The following IFT122 variants were observed in gnomAD, a reference collection of about 807,000 sequenced individuals.
IFT122 encodes intraflagellar transport 122.
Under a neutral mutation model 161.6 loss-of-function variants are expected in IFT122, and 118 were observed. The observed-to-expected ratio is 0.73, with a 90% CI of 0.63 to 0.85. The LOEUF is 0.85. Ranked by LOEUF, IFT122 falls within the 40% of genes least tolerant of loss-of-function variation. The pLI is 0.00. For synonymous variants in IFT122, 550 were observed against 602.4 expected, an observed-to-expected ratio of 0.91 and a Z score of 1.27; for missense variants, 1,381 against 1,579.6, an observed-to-expected ratio of 0.87 and a Z score of 2.13.
chr3:129,481,697 G>T lies in IFT122; in HGVS notation c.1653+3G>T. The T allele has an allele frequency of 6.2e-7, 1 of 1,613,944 alleles. No individual in the cohort carries two copies. Among genetic ancestry groups the T allele is most frequent in the Non-Finnish European group, 8.5e-7 (1 of 1,179,872 alleles). Reference sequence around the variant, plus strand: ...ACACCAAGGAGCTGCTTTTTCAGGTGAAGTCCCTGAGGGGGCCCAGGGACA... The same window carrying T: ...ACACCAAGGAGCTGCTTTTTCAGGTTAAGTCCCTGAGGGGGCCCAGGGACA... On this transcript the variant is annotated splice_donor_region_variant and intron_variant, in intron 14 of 29. Transcript: ENST00000348417.
intron 15 of IFT122, among the ~76,000 whole-genome samples, chr3:129,485,493 G>A (rs1355904453): frequency 6.6e-6 from 1 of 152,216 alleles, no homozygotes; most frequent in Non-Finnish European, 1.5e-5. Context: ...GGAATGAGGT[G>A]GGTGGAAGTG....
At chr3:129,456,370 G>C (rs1332802802) in intron 3 of IFT122, 1 of 923,922 alleles carries the variant, frequency 1.1e-6, no homozygotes, top group Non-Finnish European at 1.4e-6. Flanking sequence ...CGGGTGTGGT[G>C]GCTCATGCTT....
Position 129,497,319 on chromosome 3 carries a change from C to T in IFT122, c.2208+1712C>T, listed in dbSNP as rs1308448611. Reference sequence around the variant, plus strand: ...TGGTGCCCCAGAGCTGGTGTGAGTGCAGTTTCTTTCTGTGGGATGACCTGG... The same window carrying T: ...TGGTGCCCCAGAGCTGGTGTGAGTGTAGTTTCTTTCTGTGGGATGACCTGG... On this transcript the variant is annotated intron_variant, in intron 18 of 29. Coordinates refer to ENST00000348417, the MANE Select transcript of IFT122 (RefSeq NM_052989.3). 3.9e-5 allele frequency among the ~76,000 whole-genome samples: 6 copies of T among 152,282 alleles called. No homozygotes were observed. The East Asian group carries it at 1.2e-3, about 29-fold the overall frequency.
intron 16 of IFT122, among the ~76,000 whole-genome samples, chr3:129,491,762 C>T (rs1306132723): frequency 1.3e-5 from 2 of 152,152 alleles, no homozygotes. Flanking sequence ...CTCATCAGTC[C>T]ATGCATCTCA....
At chr3:129,506,649 T>C (rs973348126) in intron 22 of IFT122, 100 bp downstream of exon 22, 3 of 1,515,208 alleles carry the variant, frequency 2.0e-6, no homozygotes, top group Non-Finnish European at 2.7e-6. Context: ...GCCCTGGGCT[T>C]GTTTATTGGG....
chr3:129,476,904 G>C, intron 11 of IFT122, 103 bp downstream of exon 11: 1 of 1,448,620 alleles, frequency 6.9e-7, no homozygotes, highest in Non-Finnish European at 9.6e-7. Context: ...TCTCTTTGGC[G>C]TTTTGCAAAC....
At chr3:129,507,822 C>A in intron 23 of IFT122, 60 bp downstream of exon 23, 2 of 1,274,658 alleles carry the variant, frequency 1.6e-6, no homozygotes, top group Non-Finnish European at 2.3e-6. Context: ...GGGTCCCGGG[C>A]ATATCTAAAG....
intron 4 of IFT122, chr3:129,459,564 T>C (rs2075948114): frequency 5.5e-6 from 1 of 181,158 alleles, no homozygotes; most frequent in Non-Finnish European, 1.2e-5. Context: ...CCTGATACAA[T>C]GCCTAGCCCA....
chr3:129,519,620 C>T lies in IFT122; in HGVS notation c.3524C>T (p.Ser1175Phe). Residue 1175 changes from serine to phenylalanine, a missense_variant, in exon 29 of 30, where the codon TCC becomes TTC. By Grantham distance (155) the Ser-to-Phe change is radical (BLOSUM62 -2). Around this residue, in one of 7 missense-constraint regions of IFT122, gnomAD observed 177 missense variants for 199.2 expected, o/e 0.89. Transcript: ENST00000348417. ...GTGGTGAGCCGGCTGGTGCTGCGCT[C>T]CATGAGCCGCCGGGATGTCCTCATC... The part of the protein sequence containing the change: ...PVVVSRLVLR[S>F]MSRRDVLIKR... 1 of 1,613,626 alleles carries T rather than the reference C, an allele frequency of 6.2e-7. No individual in the cohort carries two copies. The highest frequency in any genetic ancestry group is 2.2e-5 in the East Asian group (1 of 44,878).
chr3:129,518,774 C>T (rs527864738), intron 27 of IFT122, among the ~76,000 whole-genome samples: 73 of 152,320 alleles, frequency 4.8e-4, no homozygotes, highest in Non-Finnish European at 8.1e-4. Flanking sequence ...TCACAAGTGC[C>T]CGCAGACCCC....
At position 129,499,994 on chromosome 3, in the gene IFT122, C is replaced by T. The variant is rs540474261; in HGVS notation, c.2301C>T (p.Ala767=). 1.5e-5 allele frequency: 25 copies of T among 1,614,182 alleles called. No individual in the cohort carries two copies. Among genetic ancestry groups the T allele is most frequent in the Admixed American group, 1.5e-4 (9 of 60,024 alleles). The part of the protein sequence containing the change: ...WARNIKEPKA[A]VEMYISAGEH... Reference sequence around the variant, plus strand: ...GAAATATCAAGGAGCCCAAAGCCGCCGTGGAGATGTACATCTCAGCAGGAG... The same window carrying T: ...GAAATATCAAGGAGCCCAAAGCCGCTGTGGAGATGTACATCTCAGCAGGAG... The change falls in exon 19 of 30, where the codon GCC becomes GCT. Residue 767 remains alanine (A), a synonymous_variant. Coordinates refer to ENST00000348417, the MANE Select transcript of IFT122 (RefSeq NM_052989.3).
At chr3:129,465,156 T>TGTGTGTG (rs2076604709) in intron 7 of IFT122, among the ~76,000 whole-genome samples, 1 of 130,722 alleles carries the variant, frequency 7.6e-6, no homozygotes, top group Non-Finnish European at 1.6e-5. Context: ...TGTGTGTGTG[T>TGTGTGTG]GTGTGGTGTG....
Position 129,461,261 on chromosome 3 carries a change from T to A in IFT122, c.306T>A (p.Asn102Lys). ...ATGCTATACAATGTGTCTCCTACAATCCTATTACTCATCAACTGGCATCTT... is the reference window on the plus strand; with the variant it reads ...ATGCTATACAATGTGTCTCCTACAAACCTATTACTCATCAACTGGCATCTT... ...HNDAIQCVSY[N>K]PITHQLASCS... The change falls in exon 5 of 30, where the codon AAT (asparagine) becomes AAA (lysine). Residue 102 changes from asparagine (N) to lysine (K), a missense_variant. By Grantham distance (94) the Asn-to-Lys change is moderately conservative. This residue lies in a region of IFT122 where 134 missense variants were observed against 137.4 expected (regional missense o/e 0.98). Coordinates refer to ENST00000348417, the MANE Select transcript of IFT122 (RefSeq NM_052989.3). 1.2e-6 allele frequency: 2 copies of A among 1,613,752 alleles called. No individual in the cohort carries two copies. Among genetic ancestry groups the A allele is most frequent in the Non-Finnish European group, 1.7e-6 (2 of 1,179,624 alleles).
At chr3:129,464,837 T>C in intron 7 of IFT122, 56 bp downstream of exon 7, 1 of 1,593,608 alleles carries the variant, frequency 6.3e-7, no homozygotes, top group South Asian at 1.1e-5. Flanking sequence ...GAAGGGCTTT[T>C]TGTCTTCCTG....
At chr3:129,463,248 C>A in intron 5 of IFT122, 1 of 357,764 alleles carries the variant, frequency 2.8e-6, no homozygotes, top group African/African-American at 2.1e-5. Flanking sequence ...GTGTAGATTG[C>A]CATCAGCGTG....
intron 6 of IFT122, 150 bp downstream of exon 6, chr3:129,463,776 C>T (rs556316611): frequency 3.7e-5 from 25 of 677,530 alleles, no homozygotes; most frequent in South Asian, 3.1e-4. Context: ...TTCGTCTCCT[C>T]GATGGGAAAG....
Position 129,466,880 on chromosome 3 carries a change from C to T in IFT122, c.564-10C>T, listed in dbSNP as rs1352807157. 3 of 1,612,872 alleles carry T rather than the reference C, an allele frequency of 1.9e-6. No individual in the cohort carries two copies. Among genetic ancestry groups the T allele is most frequent in the East Asian group, 2.2e-5 (1 of 44,898 alleles). ...CAATGTAATTTTGAACAACTACTTA[C>T]TGTCTACAGCCGATGGGAGAGTTTC... is the stretch of plus-strand genomic sequence containing the variant. On this transcript the variant is annotated splice_polypyrimidine_tract_variant and intron_variant, in intron 7 of 29. Coordinates refer to ENST00000348417, the MANE Select transcript of IFT122 (RefSeq NM_052989.3).
intron 9 of IFT122, among the ~76,000 whole-genome samples, chr3:129,473,950 C>T (rs1481405680): frequency 6.6e-6 from 1 of 152,114 alleles, no homozygotes; most frequent in Non-Finnish European, 1.5e-5. Flanking sequence ...AAGATTGGTC[C>T]GATGGGAACT....
At chr3:129,451,000 G>A (rs2074758546) in intron 2 of IFT122, among the ~76,000 whole-genome samples, 1 of 152,024 alleles carries the variant, frequency 6.6e-6, no homozygotes, top group Non-Finnish European at 1.5e-5. Flanking sequence ...GATTACAGAG[G>A]TGAGCCACCG....
Sources: gnomAD v4.1 joint callset for allele counts (sites outside exome capture counted in the v4.1 genomes callset) on GRCh38, gnomAD v4.1.1 for gene constraint, gnomAD v4.1.1 regional missense constraint, MANE v1.5 for transcripts, NCBI Gene and HGNC (gene_info 2026-07-23, HGNC 2026-07-21) for gene names.